Variants in AOPEP observed in about 807,000 individuals in gnomAD.
The protein encoded by AOPEP is aminopeptidase O (putative), also known as aminopeptidase O.
Under a neutral mutation model 98.1 loss-of-function variants are expected in AOPEP, and 77 were observed. That is an observed-to-expected ratio of 0.78 (90% CI 0.65 to 0.95). The LOEUF (loss-of-function observed/expected upper bound fraction) is 0.95, where lower values mean the gene tolerates loss of function less well. AOPEP is among the 40% of genes least tolerant of loss of function. The pLI is 0.00. For synonymous variants in AOPEP, 346 were observed against 365.3 expected (o/e 0.95, Z 0.60); for missense variants, 1,024 against 1,024.7 (o/e 1.00, Z 0.01).
chr9:95,106,868 T>C, the AOPEP span, among the ~76,000 whole-genome samples: 1 of 152,146 alleles, frequency 6.6e-6, no homozygotes, highest in South Asian at 2.1e-4. Flanking sequence ...AGCCTCTGTT[T>C]TCTCTTCTAT....
At chr9:94,812,364 A>G (rs999979816) in intron 5 of AOPEP, among the ~76,000 whole-genome samples, 1 of 152,170 alleles carries the variant, frequency 6.6e-6, no homozygotes, top group South Asian at 2.1e-4. Context: ...GAGGAAGACC[A>G]GTGCTTGCCA....
At chr9:95,143,898 G>A in the AOPEP span, among the ~76,000 whole-genome samples, 283 of 152,312 alleles carry the variant, frequency 1.9e-3, no homozygotes, top group Non-Finnish European at 3.5e-3. Context: ...GTTCCTCTAG[G>A]TTATCTAAAC....
At chr9:95,066,248 T>C (rs1169147585) in intron 14 of AOPEP, among the ~76,000 whole-genome samples, 1 of 152,232 alleles carries the variant, frequency 6.6e-6, no homozygotes, top group East Asian at 1.9e-4. Context: ...CTTTCTGTTA[T>C]TCAATTCAGT....
At chr9:94,779,886 G>A (rs1842912067) in intron 3 of AOPEP, among the ~76,000 whole-genome samples, 2 of 152,138 alleles carry the variant, frequency 1.3e-5, no homozygotes, top group Middle Eastern at 3.4e-3. Flanking sequence ...CTGTGATATC[G>A]TTTGGCCTTT....
At chr9:95,045,351 C>T (rs897422237) in intron 13 of AOPEP, among the ~76,000 whole-genome samples, 1 of 152,230 alleles carries the variant, frequency 6.6e-6, no homozygotes, top group Non-Finnish European at 1.5e-5. Flanking sequence ...CCCCTGCACC[C>T]GGCGGGCCTC....
At chr9:95,057,322 G>A (rs947553798) in intron 13 of AOPEP, among the ~76,000 whole-genome samples, 5 of 152,274 alleles carry the variant, frequency 3.3e-5, no homozygotes, top group Non-Finnish European at 5.9e-5. Context: ...TAGAAGTCAT[G>A]TGAAGTTTGC....
At chr9:94,838,450 G>A (rs1334644786) in intron 5 of AOPEP, among the ~76,000 whole-genome samples, 3 of 152,140 alleles carry the variant, frequency 2.0e-5, no homozygotes, top group Non-Finnish European at 4.4e-5. Context: ...ATTGATTTCT[G>A]TCTCTCTCTT....
At chr9:94,748,883 A>G (rs1331416191) in intron 1 of AOPEP, among the ~76,000 whole-genome samples, 1 of 152,220 alleles carries the variant, frequency 6.6e-6, no homozygotes, top group African/African-American at 2.4e-5. Context: ...TAACAATATG[A>G]CTTATCACTG....
chr9:94,765,451 T>C (rs1839363094), intron 2 of AOPEP, among the ~76,000 whole-genome samples: 1 of 144,788 alleles, frequency 6.9e-6, no homozygotes, highest in African/African-American at 2.5e-5. Flanking sequence ...ATAATAATAA[T>C]AATAATAATA....
chr9:95,106,319 T>G, the AOPEP span, among the ~76,000 whole-genome samples: 20 of 152,378 alleles, frequency 1.3e-4, no homozygotes, highest in Admixed American at 1.0e-3. Flanking sequence ...TGTTTATCTT[T>G]TTGTTGTTGA....
At chr9:95,060,910 A>G (rs917960770) in intron 14 of AOPEP, 100 bp downstream of exon 14, 24 of 784,046 alleles carry the variant, frequency 3.1e-5, no homozygotes, top group East Asian at 7.3e-5. Context: ...CACCATTTCT[A>G]TTAGCAAAAT....
At chr9:94,931,688 T>C (rs1290372249) in intron 7 of AOPEP, 4 of 1,464,710 alleles carry the variant, frequency 2.7e-6, no homozygotes, top group Middle Eastern at 1.7e-4. Flanking sequence ...CATAACAACG[T>C]AAAAATCTCG....
chr9:94,823,910 C>T (rs1297731922), intron 5 of AOPEP, among the ~76,000 whole-genome samples: 1 of 152,142 alleles, frequency 6.6e-6, no homozygotes, highest in Non-Finnish European at 1.5e-5. Context: ...AAGATAGTCA[C>T]GTGACGTTGA....
chr9:95,077,825 A>G (rs1180116345), intron 14 of AOPEP, among the ~76,000 whole-genome samples: 1 of 152,120 alleles, frequency 6.6e-6, no homozygotes, highest in African/African-American at 2.4e-5. Context: ...TGGCATGCGA[A>G]TTGTGGGTCC....
chr9:94,750,894 C>A (rs544052951), intron 1 of AOPEP, among the ~76,000 whole-genome samples: 2 of 151,376 alleles, frequency 1.3e-5, no homozygotes, highest in African/African-American at 4.9e-5. Flanking sequence ...ACTACAGGCG[C>A]CTGCCACCAC....
At chr9:94,968,527 C>G (rs2059345586) in intron 10 of AOPEP, among the ~76,000 whole-genome samples, 1 of 151,688 alleles carries the variant, frequency 6.6e-6, no homozygotes, top group Non-Finnish European at 1.5e-5. Context: ...CAGGGGTGTG[C>G]CACCACACCC....
intron 5 of AOPEP, among the ~76,000 whole-genome samples, chr9:94,859,234 C>G (rs895212438): frequency 6.6e-6 from 1 of 152,168 alleles, no homozygotes; most frequent in Non-Finnish European, 1.5e-5. Context: ...CCTGACCGTG[C>G]TAGCATACTG....
At chr9:94,881,402 G>T (rs920038211) in intron 5 of AOPEP, among the ~76,000 whole-genome samples, 4 of 152,046 alleles carry the variant, frequency 2.6e-5, no homozygotes, top group Non-Finnish European at 2.9e-5. Flanking sequence ...CAGACATCTC[G>T]GGGAAAAGAA....
chr9:95,051,939 G>A lies in AOPEP; in HGVS notation c.2116-8755G>A, dbSNP rs571044033. 1.1e-4 allele frequency among the ~76,000 whole-genome samples: 16 copies of A among 152,190 alleles called. No individual in the cohort carries two copies. In the South Asian group the frequency reaches 1.7e-3, roughly 16 times the overall value. On this transcript the variant is annotated intron_variant, in intron 13 of 16. Coordinates refer to ENST00000375315, the MANE Select transcript of AOPEP (RefSeq NM_001193329.3). ...AGGATGGTCTTGATCTCCTGACCTC[G>A]TGATCTGCCCACCTCGGCCTCCCAA...
Sources: gnomAD v4.1 joint callset for allele counts (sites outside exome capture counted in the v4.1 genomes callset) on GRCh38, gnomAD v4.1.1 for gene constraint, MANE v1.5 for transcripts, NCBI Gene and HGNC (gene_info 2026-07-23, HGNC 2026-07-21) for gene names.